SLCO1B3: variants seen among roughly 807,000 people sequenced by gnomAD.
SLCO1B3 encodes liver-specific organic anion transporter 2.
Under a neutral mutation model 71.8 loss-of-function variants are expected in SLCO1B3, and 72 were observed. The observed-to-expected ratio is 1.00, with a 90% CI of 0.83 to 1.22. The LOEUF is 1.22. Ranked by LOEUF, SLCO1B3 falls within the 50% of genes most tolerant of loss-of-function variation. The pLI, the probability that SLCO1B3 is intolerant of heterozygous loss-of-function variation, is 0.00. For synonymous variants in SLCO1B3, 298 were observed against 278.4 expected, an observed-to-expected ratio of 1.07 and a Z score of -0.70; for missense variants, 911 against 819.7, an observed-to-expected ratio of 1.11 and a Z score of -1.36.
At position 20,877,795 on chromosome 12, in the gene SLCO1B3, A is replaced by G. The variant is rs1201658409; in HGVS notation, c.994A>G (p.Ile332Val). The change falls in exon 10 of 16, where the codon ATC (isoleucine) becomes GTC (valine). Residue 332 changes from isoleucine (I) to valine (V), a missense_variant. Transcript: ENST00000381545. ...AGGTTTTTTCCAGTCTTTGAAAAGCATCCTTACCAATCCCCTGTATGTTAT... is the reference window on the plus strand; with the variant it reads ...AGGTTTTTTCCAGTCTTTGAAAAGCGTCCTTACCAATCCCCTGTATGTTAT... ...VTGFFQSLKSILTNPLYVIFL... is the reference protein window; with the variant it reads ...VTGFFQSLKSVLTNPLYVIFL... The G allele has an allele frequency of 6.7e-6, 10 of 1,481,740 alleles. No individual in the cohort carries two copies. Among genetic ancestry groups the G allele is most frequent in the East Asian group, 5.2e-5 (2 of 38,832 alleles). The allele number at this position is 1,481,740 out of a possible 1,614,324, so 91.8% of individuals were successfully genotyped here. A position where few individuals can be genotyped will look rare whatever the true frequency, so the allele number is the denominator to read the frequency against.
At chr12:20,860,751 C>T (rs1299156029) in intron 5 of SLCO1B3, among the ~76,000 whole-genome samples, 1 of 151,928 alleles carries the variant, frequency 6.6e-6, no homozygotes, top group Non-Finnish European at 1.5e-5. Flanking sequence ...CATATCTTGA[C>T]CAGATTATAA....
At position 20,904,932 on chromosome 12, in the gene SLCO1B3, C is replaced by G. The variant is rs993954591; in HGVS notation, c.1865+3465C>G. On this transcript the variant is annotated intron_variant, in intron 15 of 15. Transcript: ENST00000381545. ...GGGACCACAGGCATGCACCACCATA[C>G]CTGACTACTTTTCATGTCTTTAGTA... 3.3e-5 allele frequency among the ~76,000 whole-genome samples: 5 copies of G among 152,066 alleles called. 1 individual carries two copies. The South Asian group carries it at 1.0e-3, about 32-fold the overall frequency.
rs1197388484 is a variant in SLCO1B3 at position 20,862,760 on chromosome 12, T to A, written c.633T>A (p.Ser211Arg). The change falls in exon 8 of 16, where the codon AGT becomes AGA. Residue 211 changes from serine to arginine, a missense_variant. Physicochemically the swap from Ser to Arg is moderately radical, Grantham distance 110. Transcript: ENST00000381545. ...KEGHSSLYLG[S>R]LNAIGMIGPV... ...ATTGTTTTGTAATACTTACAGGTAGTTTGAATGCAATAGGAATGATTGGTC... is the reference window on the plus strand; with the variant it reads ...ATTGTTTTGTAATACTTACAGGTAGATTGAATGCAATAGGAATGATTGGTC... 3 of 1,606,076 alleles carry A rather than the reference T, an allele frequency of 1.9e-6. No homozygotes were observed. Among genetic ancestry groups the A allele is most frequent in the Non-Finnish European group, 2.6e-6 (3 of 1,175,542 alleles).
intron 3 of SLCO1B3, among the ~76,000 whole-genome samples, chr12:20,848,087 A>T (rs1864952276): frequency 6.6e-6 from 1 of 151,524 alleles, no homozygotes; most frequent in South Asian, 2.1e-4. Context: ...CTAGTGAATG[A>T]TATATTTAAT....
At chr12:20,822,522 T>C (rs1288130776) in intron 3 of SLCO1B3, among the ~76,000 whole-genome samples, 2 of 152,128 alleles carry the variant, frequency 1.3e-5, no homozygotes, top group Non-Finnish European at 2.9e-5. Context: ...GGCCTTTCAC[T>C]TCTTTTGTGA....
intron 13 of SLCO1B3, among the ~76,000 whole-genome samples, chr12:20,893,712 A>T (rs915384806): frequency 6.6e-6 from 1 of 152,150 alleles, no homozygotes; most frequent in African/African-American, 2.4e-5. Context: ...GGGAAAAATG[A>T]AAGGGTTTGA....
intron 3 of SLCO1B3, among the ~76,000 whole-genome samples, chr12:20,828,720 A>T (rs1229094458): frequency 6.6e-6 from 1 of 152,114 alleles, no homozygotes; most frequent in Non-Finnish European, 1.5e-5. Flanking sequence ...TTAACCATGG[A>T]ACTAAATACA....
intron 8 of SLCO1B3, among the ~76,000 whole-genome samples, chr12:20,865,497 T>C (rs1322653671): frequency 6.6e-6 from 1 of 152,074 alleles, no homozygotes; most frequent in African/African-American, 2.4e-5. Flanking sequence ...ATTTTTATTT[T>C]ACTGAGATAA....
intron 13 of SLCO1B3, 137 bp from the exon 14 acceptor site, chr12:20,898,299 C>T (rs1866056454): frequency 1.7e-6 from 1 of 580,464 alleles, no homozygotes; most frequent in East Asian, 3.1e-5. Context: ...GAAAATGTAA[C>T]TTTATATAAC....
intron 4 of SLCO1B3, among the ~76,000 whole-genome samples, chr12:20,856,963 T>A (rs996837839): frequency 1.1e-5 from 1 of 91,776 alleles, no homozygotes; most frequent in African/African-American, 2.8e-5. Flanking sequence ...TGACTGTAAT[T>A]ATTTTTTTTT....
At chr12:20,875,529 G>C in intron 9 of SLCO1B3, 52 bp downstream of exon 9, 2 of 1,536,822 alleles carry the variant, frequency 1.3e-6, no homozygotes, top group South Asian at 1.2e-5. Context: ...TCAATGAAAC[G>C]GAGAAGTGAG....
At chr12:20,864,336 G>T (rs1022463316) in intron 8 of SLCO1B3, among the ~76,000 whole-genome samples, 5 of 151,882 alleles carry the variant, frequency 3.3e-5, no homozygotes, top group African/African-American at 1.2e-4. Context: ...TGACAGAATC[G>T]TGTCTGTGTT....
At chr12:20,912,440 T>A (rs1489508200) in intron 15 of SLCO1B3, among the ~76,000 whole-genome samples, 1 of 150,894 alleles carries the variant, frequency 6.6e-6, no homozygotes, top group African/African-American at 2.4e-5. Context: ...ACAATTCTCG[T>A]GTCTTGGCCT....
At chr12:20,835,528 A>C (rs1213485610) in intron 3 of SLCO1B3, among the ~76,000 whole-genome samples, 1 of 152,172 alleles carries the variant, frequency 6.6e-6, no homozygotes, top group African/African-American at 2.4e-5. Flanking sequence ...ACAGATCTCT[A>C]GGGCAGAGGC....
At chr12:20,882,647 G>A (rs373027836) in intron 12 of SLCO1B3, among the ~76,000 whole-genome samples, 11 of 152,070 alleles carry the variant, frequency 7.2e-5, no homozygotes, top group East Asian at 1.9e-4. Context: ...CTCATGATAC[G>A]CCTGCCTCAT....
At chr12:20,880,711 A>C (rs2121306867) in intron 11 of SLCO1B3, 144 bp from the exon 12 acceptor site, 1 of 514,618 alleles carries the variant, frequency 1.9e-6, no homozygotes. Context: ...TTAAAGGAAA[A>C]CCCTTTCTCT....
At chr12:20,821,818 C>A (rs1305399843) in intron 3 of SLCO1B3, among the ~76,000 whole-genome samples, 2 of 152,176 alleles carry the variant, frequency 1.3e-5, no homozygotes, top group Non-Finnish European at 2.9e-5. Context: ...GGCATCCCTG[C>A]AATGATTAAA....
At chr12:20,866,657 C>T (rs1865378017) in intron 8 of SLCO1B3, among the ~76,000 whole-genome samples, 1 of 151,890 alleles carries the variant, frequency 6.6e-6, no homozygotes, top group African/African-American at 2.4e-5. Flanking sequence ...TTCTAAATGG[C>T]ATAAAGAAAG....
chr12:20,861,288 G>T (rs1865260946), intron 6 of SLCO1B3, 150 bp downstream of exon 6: 3 of 659,964 alleles, frequency 4.5e-6, no homozygotes, highest in Non-Finnish European at 7.1e-6. Context: ...TACTGTTAAT[G>T]TATGCAGTCG....
Sources: gnomAD v4.1 joint callset for allele counts (sites outside exome capture counted in the v4.1 genomes callset) on GRCh38, gnomAD v4.1.1 for gene constraint, MANE v1.5 for transcripts, NCBI Gene and HGNC (gene_info 2026-07-23, HGNC 2026-07-21) for gene names.